The following KCTD1 variants were observed in gnomAD, a reference collection of about 807,000 sequenced individuals.
The protein encoded by KCTD1 is BTB/POZ domain-containing protein KCTD1.
In KCTD1, 24 loss-of-function variants were observed where a neutral mutation model predicts 66.0. The ratio of observed to expected loss-of-function variants is 0.36; its 90% CI spans 0.26 to 0.51. The LOEUF is 0.51. Among genes scored for constraint, KCTD1 ranks in the 20% least tolerant of loss-of-function variants. The pLI is 0.95. For missense variants in KCTD1, 943 were observed against 1,205.2 expected, an observed-to-expected ratio of 0.78 and a Z score of 3.22; for synonymous variants, 511 against 517.2, an observed-to-expected ratio of 0.99 and a Z score of 0.16.
chr18:26,548,679 C>G (rs1985401564), upstream of KCTD1: 5 of 1,013,268 alleles, frequency 4.9e-6, no homozygotes, highest in Admixed American at 4.8e-5. Flanking sequence ...TTGTCATTCC[C>G]GAGCGCAGCT....
intron 1 of KCTD1, among the ~76,000 whole-genome samples, chr18:26,603,266 C>G (rs1340726068): frequency 6.6e-6 from 1 of 151,346 alleles, no homozygotes; most frequent in East Asian, 1.9e-4. Context: ...CTTGTCTGTA[C>G]TAGAAATACA....
chr18:26,586,675 G>A (rs896387088), intron 1 of KCTD1, among the ~76,000 whole-genome samples: 1 of 152,240 alleles, frequency 6.6e-6, no homozygotes, highest in Admixed American at 6.5e-5. Flanking sequence ...TGCTACTCCA[G>A]TGAACACACA....
At chr18:26,531,258 G>A (rs1304089936) in intron 1 of KCTD1, among the ~76,000 whole-genome samples, 3 of 152,190 alleles carry the variant, frequency 2.0e-5, no homozygotes, top group African/African-American at 7.2e-5. Flanking sequence ...TTGGGAGGCT[G>A]AAGCAGGAGG....
chr18:26,564,358 TGGACCA>T (rs1265795172), intron 1 of KCTD1, among the ~76,000 whole-genome samples: 3 of 152,158 alleles, frequency 2.0e-5, no homozygotes, highest in Non-Finnish European at 4.4e-5. Context: ...GCCTTATACC[TGGACCA>T]TCAATTCCCA....
At chr18:26,578,582 A>G (rs2144915399) in intron 1 of KCTD1, among the ~76,000 whole-genome samples, 1 of 152,296 alleles carries the variant, frequency 6.6e-6, no homozygotes, top group South Asian at 2.1e-4. Flanking sequence ...ACTCAACTGA[A>G]CCAACCTTGG....
intron 1 of KCTD1, chr18:26,545,536 T>C (rs1375290735): frequency 6.6e-6 from 1 of 152,080 alleles, no homozygotes; most frequent in East Asian, 1.9e-4. Context: ...ATTTCCACTT[T>C]GGAAAAAGCA....
At chr18:26,484,441 C>T (rs1234989536) in intron 2 of KCTD1, among the ~76,000 whole-genome samples, 1 of 152,044 alleles carries the variant, frequency 6.6e-6, no homozygotes, top group Admixed American at 6.6e-5. Context: ...AGTATGAGTG[C>T]AATAACAAGT....
At chr18:26,631,787 A>G (rs370748115), upstream of KCTD1, among the ~76,000 whole-genome samples, 76 of 152,302 alleles carry the variant, frequency 5.0e-4, no homozygotes, top group African/African-American at 1.6e-3. Flanking sequence ...GGTGGCTCAC[A>G]CCTGTAATCC....
chr18:26,558,108 C>G (rs867092270), intron 1 of KCTD1, among the ~76,000 whole-genome samples: 1 of 152,312 alleles, frequency 6.6e-6, no homozygotes, highest in East Asian at 1.9e-4. Flanking sequence ...ATGGAACTTG[C>G]GTGTGTTTCC....
At chr18:26,656,625 C>T (rs1274300226) in intron 1 of KCTD1, among the ~76,000 whole-genome samples, 32 of 151,274 alleles carry the variant, frequency 2.1e-4, no homozygotes, top group Non-Finnish European at 4.0e-4. Flanking sequence ...AAGGAAAAAC[C>T]GCCCCGGGCC....
chr18:26,556,841 T>C (rs1282585439), intron 1 of KCTD1, among the ~76,000 whole-genome samples: 5 of 152,232 alleles, frequency 3.3e-5, no homozygotes, highest in Non-Finnish European at 5.9e-5. Flanking sequence ...GACCTTTCAG[T>C]TCTATTTCCA....
intron 1 of KCTD1, among the ~76,000 whole-genome samples, chr18:26,530,303 T>C (rs75442900): frequency 6.6e-6 from 1 of 152,316 alleles, no homozygotes; most frequent in East Asian, 1.9e-4. Context: ...AGTTTATCTT[T>C]GTTGTATTTC....
At chr18:26,616,303 C>A (rs1285257624) in intron 1 of KCTD1, among the ~76,000 whole-genome samples, 1 of 151,960 alleles carries the variant, frequency 6.6e-6, no homozygotes, top group Non-Finnish European at 1.5e-5. Context: ...AATTTACCAA[C>A]CACAGGTGGC....
chr18:26,614,985 T>C (rs1161581569), intron 1 of KCTD1, among the ~76,000 whole-genome samples: 1 of 152,264 alleles, frequency 6.6e-6, no homozygotes, highest in Non-Finnish European at 1.5e-5. Context: ...TATGTTCCTG[T>C]ATAAAAATGA....
intron 1 of KCTD1, among the ~76,000 whole-genome samples, chr18:26,608,570 G>C (rs1987067306): frequency 6.6e-6 from 1 of 152,106 alleles, no homozygotes; most frequent in African/African-American, 2.4e-5. Flanking sequence ...GTCCATATGG[G>C]GCAGGGTCGG....
At chr18:26,630,145 G>C (rs1342485152), upstream of KCTD1, among the ~76,000 whole-genome samples, 6 of 152,206 alleles carry the variant, frequency 3.9e-5, no homozygotes, top group Non-Finnish European at 8.8e-5. Context: ...CAAAAGCAAT[G>C]ATGGGTAAAA....
chr18:26,565,955 A>G (rs1398586332), intron 1 of KCTD1: 1 of 151,938 alleles, frequency 6.6e-6, no homozygotes, highest in African/African-American at 2.4e-5. Flanking sequence ...TTGTTTAGGA[A>G]AAATGTGTTT....
At chr18:26,539,330 G>A (rs564163845) in intron 1 of KCTD1, among the ~76,000 whole-genome samples, 11 of 152,084 alleles carry the variant, frequency 7.2e-5, no homozygotes, top group African/African-American at 2.4e-4. Flanking sequence ...AGACCACATC[G>A]GCCAGTGCTC....
rs568299276 is a variant in KCTD1 at position 26,466,349 on chromosome 18, A to G, written c.2134-6424T>C. Among the ~76,000 whole-genome samples, 456 of 152,310 alleles carry G rather than the reference A, an allele frequency of 3.0e-3. 3 individuals are homozygous for G. Among genetic ancestry groups the G allele is most frequent in the Non-Finnish European group, 4.4e-3 (296 of 68,024 alleles). Reference sequence around the variant, plus strand: ...TCTTCAGGGCGGTCCTGTTGTTTCCATCCCTGAGAGAAAGCTTCCACTAAT... The same window carrying G: ...TCTTCAGGGCGGTCCTGTTGTTTCCGTCCCTGAGAGAAAGCTTCCACTAAT... On this transcript the variant is annotated intron_variant, in intron 3 of 4. Coordinates refer to ENST00000580059, the MANE Select transcript of KCTD1 (RefSeq NM_001142730.3).
Sources: allele counts gnomAD v4.1 joint callset (sites outside exome capture counted in the v4.1 genomes callset), GRCh38; gene constraint gnomAD v4.1.1; transcripts MANE v1.5; gene names NCBI Gene and HGNC (gene_info 2026-07-23, HGNC 2026-07-21).